SLCO1B1: variants seen among roughly 807,000 people sequenced by gnomAD.
SLCO1B1 encodes the protein OATP-2.
SLCO1B1 carries 81 observed loss-of-function variants against 70.1 expected under a neutral mutation model. That is an observed-to-expected ratio of 1.16 (90% confidence interval 0.97 to 1.39). The LOEUF (loss-of-function observed/expected upper bound fraction) is 1.39. Among genes scored for constraint, SLCO1B1 ranks in the 40% most tolerant of loss-of-function variants. The pLI is 0.00. For missense variants in SLCO1B1, 895 were observed against 799.6 expected, an observed-to-expected ratio of 1.12 and a Z score of -1.44; for synonymous variants, 283 against 271.5, an observed-to-expected ratio of 1.04 and a Z score of -0.42.
intron 8 of SLCO1B1, among the ~76,000 whole-genome samples, chr12:21,200,291 A>C (rs1941141334): frequency 6.6e-6 from 1 of 152,186 alleles, no homozygotes; most frequent in East Asian, 1.9e-4. Context: ...TGAGGGTAAA[A>C]TAAACTAAAC....
At chr12:21,147,913 G>A (rs886162465) in intron 2 of SLCO1B1, among the ~76,000 whole-genome samples, 1 of 152,180 alleles carries the variant, frequency 6.6e-6, no homozygotes, top group Non-Finnish European at 1.5e-5. Flanking sequence ...CAACTGGCGT[G>A]AGATAGTATC....
intron 12 of SLCO1B1, among the ~76,000 whole-genome samples, chr12:21,220,871 A>T (rs1019875381): frequency 6.6e-6 from 1 of 151,764 alleles, no homozygotes; most frequent in East Asian, 1.9e-4. Context: ...TGAACATATG[A>T]AAAAATTATC....
intron 12 of SLCO1B1, among the ~76,000 whole-genome samples, chr12:21,219,986 C>G (rs1183687535): frequency 6.6e-6 from 1 of 152,166 alleles, no homozygotes; most frequent in Non-Finnish European, 1.5e-5. Context: ...GTCTCAAACT[C>G]CTGACCTCAA....
chr12:21,149,741 A>T (rs1310181992), intron 2 of SLCO1B1, among the ~76,000 whole-genome samples: 4 of 152,068 alleles, frequency 2.6e-5, no homozygotes, highest in Non-Finnish European at 4.4e-5. Flanking sequence ...CTACACCACC[A>T]GGGCCCTGGG....
rs76355181 is a variant in SLCO1B1, at chr12:21,171,708, A to G, written c.85-942A>G. Among the ~76,000 whole-genome samples, 3,594 of 152,182 alleles carry G rather than the reference A, an allele frequency of 0.024. 368 individuals are homozygous for G. The East Asian group carries it at 0.33, about 14-fold the overall frequency. On this transcript the variant is annotated intron_variant, in intron 2 of 14. Coordinates refer to ENST00000256958, the MANE Select transcript of SLCO1B1 (RefSeq NM_006446.5). ...AGACTTGGTGACTTAAACAACAAAT[A>G]TTTGTCTCTCACATTTCCGGAGGCT...
chr12:21,159,654 A>G (rs1328188503), intron 2 of SLCO1B1, among the ~76,000 whole-genome samples: 2 of 152,166 alleles, frequency 1.3e-5, no homozygotes, highest in Non-Finnish European at 1.5e-5. Flanking sequence ...GTTTTTCTCC[A>G]TTTTAAAAAC....
chr12:21,136,710 G>T lies in SLCO1B1; in HGVS notation c.-61-4804G>T, dbSNP rs537134568. 2.6e-5 allele frequency among the ~76,000 whole-genome samples: 4 copies of T among 152,124 alleles called. No homozygotes were observed. The East Asian group carries it at 7.7e-4, about 29-fold the overall frequency. On this transcript the variant is annotated intron_variant, in intron 1 of 14. Coordinates refer to ENST00000256958, the MANE Select transcript of SLCO1B1 (RefSeq NM_006446.5). ...GTCCTTTAAGAACTTCTCTGCATTG[G>T]TTATTCTAGTTATCCATTTGTCTGA...
At chr12:21,175,743 T>A (rs1369800852) in intron 4 of SLCO1B1, among the ~76,000 whole-genome samples, 1 of 152,140 alleles carries the variant, frequency 6.6e-6, no homozygotes, top group Admixed American at 6.6e-5. Context: ...ATGTCCATTT[T>A]TTTTCATCTG....
chr12:21,182,581 T>C (rs1940916297), intron 7 of SLCO1B1, among the ~76,000 whole-genome samples: 1 of 152,122 alleles, frequency 6.6e-6, no homozygotes, highest in South Asian at 2.1e-4. Flanking sequence ...CCTGCAAGAA[T>C]ATGTGCACAG....
rs776785374 is a variant in SLCO1B1 at position 21,176,800 on chromosome 12, T to C, written c.384T>C (p.Asn128=). The C allele has an allele frequency of 1.9e-6, 3 of 1,541,520 alleles. No individual in the cohort carries two copies. In the South Asian group the frequency reaches 3.3e-5, roughly 17 times the overall value. Residue 128 remains asparagine, a synonymous_variant, in exon 5 of 15, where the codon AAT becomes AAC. Coordinates refer to ENST00000256958, the MANE Select transcript of SLCO1B1 (RefSeq NM_006446.5). ...GTTACAGGTATTCTAAAGAAACTAA[T>C]ATCAATTCATCAGAAAATTCAACAT... is the stretch of plus-strand genomic sequence containing the variant. The part of the protein sequence containing the change: ...MGYYRYSKET[N]INSSENSTST...
chr12:21,147,981 T>C (rs865931507), intron 2 of SLCO1B1, among the ~76,000 whole-genome samples: 2 of 152,230 alleles, frequency 1.3e-5, no homozygotes, highest in South Asian at 4.1e-4. Flanking sequence ...TTTTTTAATA[T>C]GTTTGTTGGC....
chr12:21,188,161 G>T (rs943686153), intron 7 of SLCO1B1, among the ~76,000 whole-genome samples: 5 of 151,874 alleles, frequency 3.3e-5, no homozygotes, highest in Non-Finnish European at 7.4e-5. Flanking sequence ...AGAAATTATG[G>T]CGTATTTATG....
At chr12:21,183,148 C>A (rs1940925283) in intron 7 of SLCO1B1, among the ~76,000 whole-genome samples, 2 of 152,292 alleles carry the variant, frequency 1.3e-5, no homozygotes, top group South Asian at 4.1e-4. Flanking sequence ...GCTTATCTGC[C>A]AGCCATTACT....
rs922131744 is a variant in SLCO1B1 at position 21,239,328 on chromosome 12, A to G, written c.*139A>G. 4.2e-6 allele frequency: 3 copies of G among 718,450 alleles called. No individual in the cohort carries two copies. The highest frequency in any genetic ancestry group is 7.5e-6 in the Non-Finnish European group (3 of 398,392). 44.5% of individuals were successfully genotyped at this position (718,450 alleles called of 1,614,324 possible). ...TTATGGTGGAAGTATAAATAAGCCT[A>G]TGAACTTATAATAAAACAAACTGTA... On this transcript the variant is annotated 3_prime_UTR_variant, in exon 15 of 15. Transcript: ENST00000256958.
intron 14 of SLCO1B1, among the ~76,000 whole-genome samples, chr12:21,230,824 T>A (rs1456836246): frequency 6.6e-6 from 1 of 152,010 alleles, no homozygotes; most frequent in African/African-American, 2.4e-5. Context: ...TGCTTTCTTT[T>A]TTATTATTAT....
intron 2 of SLCO1B1, among the ~76,000 whole-genome samples, chr12:21,159,370 T>C (rs1393998719): frequency 6.6e-6 from 1 of 152,122 alleles, no homozygotes; most frequent in Non-Finnish European, 1.5e-5. Context: ...GTAGAAAAAT[T>C]ATTTTAATAC....
At chr12:21,161,985 G>T (rs1345723807) in intron 2 of SLCO1B1, among the ~76,000 whole-genome samples, 1 of 151,892 alleles carries the variant, frequency 6.6e-6, no homozygotes, top group African/African-American at 2.4e-5. Flanking sequence ...TTTAGCCTGG[G>T]TGACAAAGTG....
At chr12:21,207,148 CTT>C (rs1941224007) in intron 11 of SLCO1B1, among the ~76,000 whole-genome samples, 1 of 151,788 alleles carries the variant, frequency 6.6e-6, no homozygotes, top group African/African-American at 2.4e-5. Flanking sequence ...TAATTTAACT[CTT>C]ATTTTAGGTA....
At chr12:21,212,869 A>C (rs575655718) in intron 11 of SLCO1B1, among the ~76,000 whole-genome samples, 20 of 151,996 alleles carry the variant, frequency 1.3e-4, no homozygotes, top group Non-Finnish European at 2.8e-4. Context: ...CTGTTTTATC[A>C]GAGACTAGGA....
Sources: allele counts gnomAD v4.1 joint callset (sites outside exome capture counted in the v4.1 genomes callset), GRCh38; gene constraint gnomAD v4.1.1; transcripts MANE v1.5; gene names NCBI Gene and HGNC (gene_info 2026-07-23, HGNC 2026-07-21).